ASTN1: variants seen among roughly 807,000 people sequenced by gnomAD.
The protein encoded by ASTN1 is astrotactin 1.
In ASTN1, 41 loss-of-function variants were observed where a neutral mutation model predicts 140.7. That is an observed-to-expected ratio of 0.29 (90% CI 0.23 to 0.38). ASTN1 has a LOEUF of 0.38. ASTN1 is among the 10% of genes least tolerant of loss of function. The pLI is 1.00. For synonymous variants in ASTN1, 640 were observed against 652.2 expected (o/e 0.98, Z 0.29); for missense variants, 1,479 against 1,678.8 (o/e 0.88, Z 2.08).
intron 14 of ASTN1, among the ~76,000 whole-genome samples, chr1:176,942,906 GC>G (rs1321499391): frequency 7.7e-6 from 1 of 130,626 alleles, no homozygotes; most frequent in Non-Finnish European, 1.6e-5. Flanking sequence ...GTAAAACCAA[GC>G]TGTGCCCTTA....
At chr1:176,997,758 G>A (rs1007336313) in intron 8 of ASTN1, among the ~76,000 whole-genome samples, 2 of 152,124 alleles carry the variant, frequency 1.3e-5, no homozygotes, top group East Asian at 3.9e-4. Flanking sequence ...ACGCTGGGAC[G>A]ATTGCCACAA....
intron 2 of ASTN1, among the ~76,000 whole-genome samples, chr1:177,053,252 G>A (rs934588338): frequency 2.0e-5 from 3 of 152,206 alleles, no homozygotes; most frequent in Non-Finnish European, 4.4e-5. Context: ...GAACTAGATT[G>A]CTGAACAGAA....
intron 1 of ASTN1, among the ~76,000 whole-genome samples, chr1:177,134,435 G>A (rs1222901002): frequency 1.3e-5 from 2 of 152,198 alleles, no homozygotes; most frequent in Non-Finnish European, 2.9e-5. Context: ...TCTCACTGGA[G>A]TGGAGAATCA....
At chr1:177,134,397 G>A (rs1682081154) in intron 1 of ASTN1, among the ~76,000 whole-genome samples, 1 of 152,198 alleles carries the variant, frequency 6.6e-6, no homozygotes, top group Non-Finnish European at 1.5e-5. Flanking sequence ...CACCCCTGGA[G>A]TCCTGCCTAA....
chr1:176,861,814 G>T lies in ASTN1; in HGVS notation c.*2470C>A, dbSNP rs1423428001. ...ACAGAAAGAAGAAGTAAAAGACAAA[G>T]ATAAAGAAGGTAGAGGAACTTGGGA... is the stretch of plus-strand genomic sequence containing the variant. On this transcript the variant is annotated 3_prime_UTR_variant, in exon 23 of 23. Transcript: ENST00000361833. The T allele has an allele frequency of 1.0e-6, 1 of 985,310 alleles. No homozygotes were observed. Among genetic ancestry groups the T allele is most frequent in the Non-Finnish European group, 1.2e-6 (1 of 829,964 alleles). 61.0% of individuals were successfully genotyped at this position (985,310 alleles called of 1,614,324 possible). A position where few individuals can be genotyped will look rare whatever the true frequency, so the allele number is the denominator to read the frequency against.
intron 2 of ASTN1, among the ~76,000 whole-genome samples, chr1:177,056,549 T>C (rs900028772): frequency 2.7e-5 from 4 of 148,882 alleles, no homozygotes; most frequent in Admixed American, 2.7e-4. Flanking sequence ...GAGTTATCAA[T>C]ACAGAAAAAT....
chr1:177,119,195 C>G (rs544754535), intron 1 of ASTN1, among the ~76,000 whole-genome samples: 2 of 152,300 alleles, frequency 1.3e-5, no homozygotes, highest in East Asian at 3.9e-4. Flanking sequence ...TTATCACAGA[C>G]AGTGCCCTCA....
chr1:177,133,023 A>T (rs1682014633), intron 1 of ASTN1, among the ~76,000 whole-genome samples: 1 of 152,224 alleles, frequency 6.6e-6, no homozygotes, highest in Admixed American at 6.5e-5. Flanking sequence ...AATGATTCAT[A>T]CACTATAATT....
chr1:176,953,127 C>A (rs1422799197), intron 11 of ASTN1, among the ~76,000 whole-genome samples: 3 of 152,152 alleles, frequency 2.0e-5, no homozygotes, highest in African/African-American at 7.2e-5. Flanking sequence ...CCATTCAACT[C>A]CTTTTCTTTG....
chr1:177,112,003 C>G (rs1244303684), intron 1 of ASTN1, among the ~76,000 whole-genome samples: 1 of 152,280 alleles, frequency 6.6e-6, no homozygotes, highest in Non-Finnish European at 1.5e-5. Flanking sequence ...GTTCTGCTTT[C>G]CATTTCACAC....
intron 1 of ASTN1, among the ~76,000 whole-genome samples, chr1:177,078,931 T>G (rs1442663185): frequency 6.6e-6 from 1 of 152,078 alleles, no homozygotes; most frequent in African/African-American, 2.4e-5. Flanking sequence ...GATACTGTCA[T>G]GTAAAAAAAA....
At chr1:177,020,844 T>A (rs1263707311) in intron 7 of ASTN1, among the ~76,000 whole-genome samples, 1 of 152,200 alleles carries the variant, frequency 6.6e-6, no homozygotes, top group Admixed American at 6.5e-5. Context: ...TGACTGAGCA[T>A]CTGTGTTTGT....
At chr1:177,152,813 T>C (rs1020293231) in intron 1 of ASTN1, among the ~76,000 whole-genome samples, 1 of 152,252 alleles carries the variant, frequency 6.6e-6, no homozygotes, top group Admixed American at 6.5e-5. Context: ...ACTAGCCCTA[T>C]GAGATATGAA....
intron 12 of ASTN1, 44 bp from the exon 13 acceptor site, chr1:176,946,164 G>C: frequency 1.4e-6 from 2 of 1,465,586 alleles, no homozygotes; most frequent in Non-Finnish European, 1.8e-6. Context: ...TTCCATCAAT[G>C]ACCCATGCAG....
Position 177,014,259 on chromosome 1 carries a change from T to C in ASTN1, c.1523+532A>G, listed in dbSNP as rs548722498. 2.6e-5 allele frequency among the ~76,000 whole-genome samples: 4 copies of C among 152,304 alleles called. No homozygotes were observed. In the South Asian group the frequency reaches 8.3e-4, roughly 32 times the overall value. On this transcript the variant is annotated intron_variant, in intron 8 of 22. Coordinates refer to ENST00000361833, the MANE Select transcript of ASTN1 (RefSeq NM_004319.3). ...CTACTTTGTCCCACTCGTGTGTGTCTAGGGGAAAACAAAAGTCTCATTGGG... is the reference window on the plus strand; with the variant it reads ...CTACTTTGTCCCACTCGTGTGTGTCCAGGGGAAAACAAAAGTCTCATTGGG...
At chr1:177,008,620 GAGA>G (rs1021826198) in intron 8 of ASTN1, among the ~76,000 whole-genome samples, 10 of 151,200 alleles carry the variant, frequency 6.6e-5, no homozygotes, top group African/African-American at 2.2e-4. Flanking sequence ...GGAGGAGGAA[GAGA>G]AGAAGAAGGA....
chr1:176,889,090 T>C (rs1669157919), intron 17 of ASTN1, among the ~76,000 whole-genome samples: 1 of 152,204 alleles, frequency 6.6e-6, no homozygotes, highest in South Asian at 2.1e-4. Flanking sequence ...ATTCTTTACA[T>C]GCAGAGGGTT....
Position 177,023,525 on chromosome 1 carries a change from G to A in ASTN1, c.1317C>T (p.Asp439=). The part of the protein sequence containing the change: ...LLEGSQLDAS[D]WLNPAQVVLF... The stretch of plus-strand genomic sequence containing the variant: ...GAACCACTTGGGCAGGGTTCAGCCA[G>A]TCACTGGCATCCAGCTGGCTCCCCT... The change falls in exon 7 of 23, where the codon GAC becomes GAT. Residue 439 remains aspartate, a synonymous_variant. Transcript: ENST00000361833. The A allele has an allele frequency of 6.2e-7, 1 of 1,606,736 alleles. No homozygotes were observed. Among genetic ancestry groups the A allele is most frequent in the Non-Finnish European group, 8.5e-7 (1 of 1,177,710 alleles).
intron 1 of ASTN1, among the ~76,000 whole-genome samples, chr1:177,136,730 T>C (rs1682222613): frequency 6.6e-6 from 1 of 152,220 alleles, no homozygotes; most frequent in Admixed American, 6.5e-5. Context: ...ATTCTATCAC[T>C]GAGCCATGGT....
Sources: gnomAD v4.1 joint callset for allele counts (sites outside exome capture counted in the v4.1 genomes callset) on GRCh38, gnomAD v4.1.1 for gene constraint, MANE v1.5 for transcripts, NCBI Gene and HGNC (gene_info 2026-07-23, HGNC 2026-07-21) for gene names.